Variants in ZNF560 observed in about 807,000 individuals in gnomAD.
The protein encoded by ZNF560 is zinc finger protein 560.
In ZNF560, 54 loss-of-function variants were observed where a neutral mutation model predicts 81.8. The observed-to-expected ratio is 0.66, with a 90% CI of 0.53 to 0.83. The LOEUF (loss-of-function observed/expected upper bound fraction) is 0.83. Ranked by LOEUF, ZNF560 falls within the 40% of genes least tolerant of loss-of-function variation. The pLI is 0.00. For missense variants in ZNF560, 940 were observed against 932.4 expected (o/e 1.01, Z -0.11); for synonymous variants, 321 against 317.9 (o/e 1.01, Z -0.10).
chr19:9,483,954 T>C (rs986354520), intron 2 of ZNF560, among the ~76,000 whole-genome samples: 2 of 152,052 alleles, frequency 1.3e-5, no homozygotes, highest in African/African-American at 2.4e-5. Flanking sequence ...GTAAGAAAAA[T>C]TCTTCTGCCT....
At chr19:9,447,133 CAAAAAAA>C in the ZNF560 span, among the ~76,000 whole-genome samples, 2 of 80,860 alleles carry the variant, frequency 2.5e-5, no homozygotes, top group African/African-American at 3.8e-5. Flanking sequence ...GACTCCGTCA[CAAAAAAA>C]AAAAAAAAAA....
At chr19:9,474,530 T>G (rs1050412906) in intron 3 of ZNF560, among the ~76,000 whole-genome samples, 1 of 152,206 alleles carries the variant, frequency 6.6e-6, no homozygotes, top group Non-Finnish European at 1.5e-5. Context: ...TTGTATGGCT[T>G]TAATGGCACA....
chr19:9,464,875 A>T (rs2072990766), downstream of ZNF560, among the ~76,000 whole-genome samples: 1 of 152,310 alleles, frequency 6.6e-6, no homozygotes, highest in South Asian at 2.1e-4. Flanking sequence ...TCAGAGAAGC[A>T]ATCCTGATAT....
chr19:9,462,557 T>A (rs1333103320), downstream of ZNF560, among the ~76,000 whole-genome samples: 3 of 152,206 alleles, frequency 2.0e-5, no homozygotes, highest in Non-Finnish European at 4.4e-5. Flanking sequence ...ATTCCTCTAG[T>A]GCTGCTGGAT....
the ZNF560 span, among the ~76,000 whole-genome samples, chr19:9,461,211 T>C: frequency 6.6e-6 from 1 of 152,206 alleles, no homozygotes. Flanking sequence ...TACAAAGTTG[T>C]GTTCACCCTC....
downstream of ZNF560, among the ~76,000 whole-genome samples, chr19:9,466,089 T>C (rs2073010315): frequency 6.6e-6 from 1 of 152,208 alleles, no homozygotes; most frequent in African/African-American, 2.4e-5. Context: ...CACACACCTG[T>C]AATCCCAGCA....
intron 2 of ZNF560, among the ~76,000 whole-genome samples, chr19:9,477,918 A>T (rs143587194): frequency 6.6e-6 from 1 of 152,338 alleles, no homozygotes; most frequent in African/African-American, 2.4e-5. Flanking sequence ...CATCATCAAA[A>T]GAGCAAATTT....
Position 9,469,615 on chromosome 19 carries a change from T to C in ZNF560, c.529+15A>G, listed in dbSNP as rs1304604243. The stretch of plus-strand genomic sequence containing the variant: ...AACTTCTCATGGACCAGGGTTGTTC[T>C]TCACAAACACTCACCTTGGAGAACT... On this transcript the variant is annotated intron_variant, in intron 8 of 9. Transcript: ENST00000301480. The C allele has an allele frequency of 1.2e-6, 2 of 1,613,464 alleles. No homozygotes were observed.
chr19:9,473,761 C>T (rs1204475931), intron 4 of ZNF560, among the ~76,000 whole-genome samples: 2 of 151,940 alleles, frequency 1.3e-5, no homozygotes, highest in Non-Finnish European at 1.5e-5. Flanking sequence ...TGCTTATGTG[C>T]ACATTTACAA....
chr19:9,469,552 A>T (rs1057502219), intron 8 of ZNF560, 78 bp downstream of exon 8: 2 of 1,302,742 alleles, frequency 1.5e-6, no homozygotes, highest in African/African-American at 2.9e-5. Context: ...TTCAAAGGGC[A>T]TCTTATAAAA....
At chr19:9,455,066 C>T in the ZNF560 span, among the ~76,000 whole-genome samples, 13 of 152,126 alleles carry the variant, frequency 8.5e-5, no homozygotes, top group African/African-American at 2.9e-4. Context: ...CCCGAGTGAC[C>T]GCCCTCAGTT....
chr19:9,470,495 C>T lies in ZNF560; in HGVS notation c.345G>A (p.Val115=). ...ACTCTTCCTGGGTGAACTCCACAGC[C>T]ACACTGTCAAAGGTTACCAGGTCCT... is the stretch of plus-strand genomic sequence containing the variant. ...IQMDLVTFDS[V]AVEFTQEEWT... is the part of the protein sequence containing the mutation. Residue 115 remains valine (V), a synonymous_variant, in exon 7 of 10, where the codon GTG becomes GTA. Transcript: ENST00000301480. 3 of 1,614,196 alleles carry T rather than the reference C, an allele frequency of 1.9e-6. No individual in the cohort carries two copies. The highest frequency in any genetic ancestry group is 2.5e-6 in the Non-Finnish European group (3 of 1,180,042).
chr19:9,506,603 C>G, the ZNF560 span, among the ~76,000 whole-genome samples: 1 of 152,142 alleles, frequency 6.6e-6, no homozygotes, highest in Non-Finnish European at 1.5e-5. Context: ...CTCCACACAG[C>G]TTGAGTTACT....
At chr19:9,473,651 G>C (rs1238084060) in intron 4 of ZNF560, among the ~76,000 whole-genome samples, 1 of 151,760 alleles carries the variant, frequency 6.6e-6, no homozygotes, top group East Asian at 1.9e-4. Flanking sequence ...ATAGTTCTTA[G>C]AGAAAGCAGT....
At chr19:9,465,830 T>A (rs941274062), downstream of ZNF560, among the ~76,000 whole-genome samples, 90 of 152,166 alleles carry the variant, frequency 5.9e-4, 1 homozygote, top group African/African-American at 2.1e-3. Context: ...CCGTCTCTAC[T>A]AAAAATACAA....
rs766973767 is a variant in ZNF560, at chr19:9,469,664, C to T, written c.495G>A (p.Glu165=). 1 of 1,614,204 alleles carries T rather than the reference C, an allele frequency of 6.2e-7. No homozygotes were observed. Among genetic ancestry groups the T allele is most frequent in the Non-Finnish European group, 8.5e-7 (1 of 1,180,046 alleles). The change falls in exon 8 of 10, where the codon GAG becomes GAA. Residue 165 remains glutamate, a synonymous_variant. Coordinates refer to ENST00000301480, the MANE Select transcript of ZNF560 (RefSeq NM_152476.3). ...KPSLISWLEE[E]EELSTLPRVL... ...CTCTTGGCAGTGTGCTCAACTCTTC[C>T]TCTTCCTCCAGCCAAGAGATCAGAC...
At chr19:9,459,363 C>T in the ZNF560 span, among the ~76,000 whole-genome samples, 3 of 152,094 alleles carry the variant, frequency 2.0e-5, no homozygotes, top group Non-Finnish European at 2.9e-5. Flanking sequence ...GTGGAAAGGA[C>T]CCAATAACAA....
intron 2 of ZNF560, among the ~76,000 whole-genome samples, chr19:9,491,522 C>G (rs113899294): frequency 0.048 from 7,322 of 151,990 alleles, 610 homozygotes; most frequent in African/African-American, 0.17. Flanking sequence ...AGGTGCAACA[C>G]TTGGCAGACC....
chr19:9,474,665 C>T (rs1484652805), intron 3 of ZNF560, among the ~76,000 whole-genome samples: 1 of 150,244 alleles, frequency 6.7e-6, no homozygotes, highest in East Asian at 1.9e-4. Flanking sequence ...AATGATTAGC[C>T]TTTTTTTTTG....
Sources: gnomAD v4.1 joint callset for allele counts (sites outside exome capture counted in the v4.1 genomes callset) on GRCh38, gnomAD v4.1.1 for gene constraint, MANE v1.5 for transcripts, NCBI Gene and HGNC (gene_info 2026-07-23, HGNC 2026-07-21) for gene names.